GRHL2: variants seen among roughly 807,000 people sequenced by gnomAD.
GRHL2 encodes grainyhead-like protein 2 homolog.
In GRHL2, 21 loss-of-function variants were observed where a neutral mutation model predicts 83.8. The ratio of observed to expected loss-of-function variants is 0.25; its 90% CI spans 0.18 to 0.36. GRHL2 has a LOEUF of 0.36. Ranked by LOEUF, GRHL2 falls within the 10% of genes least tolerant of loss-of-function variation. The pLI, the probability that GRHL2 is intolerant of heterozygous loss-of-function variation, is 1.00. For synonymous variants in GRHL2, 280 were observed against 278.9 expected (o/e 1.00, Z -0.04); for missense variants, 623 against 781.8 (o/e 0.80, Z 2.42).
intron 8 of GRHL2, among the ~76,000 whole-genome samples, chr8:101,619,124 G>A (rs1050490643): frequency 4.6e-5 from 7 of 152,080 alleles, no homozygotes; most frequent in Non-Finnish European, 7.4e-5. Flanking sequence ...GTGGTGGCAG[G>A]CTCCTGTAGT....
At position 101,595,346 on chromosome 8, in the gene GRHL2, T is replaced by C. The variant is rs118021311; in HGVS notation, c.1004-3711T>C. Among the ~76,000 whole-genome samples, 346 of 152,336 alleles carry C rather than the reference T, an allele frequency of 2.3e-3. 8 individuals are homozygous for C. The East Asian group carries it at 0.057, about 25-fold the overall frequency. ...TTTTATGTGGAGAAGCTATAGGAAA[T>C]AAAACCTCATAATGTTGTAACTCAT... is the stretch of plus-strand genomic sequence containing the variant. On this transcript the variant is annotated intron_variant, in intron 7 of 15. Coordinates refer to ENST00000646743, the MANE Select transcript of GRHL2 (RefSeq NM_024915.4).
chr8:101,588,380 T>A (rs7823289), intron 7 of GRHL2, among the ~76,000 whole-genome samples: 1 of 151,968 alleles, frequency 6.6e-6, no homozygotes, highest in South Asian at 2.1e-4. Context: ...TCAGAATTGA[T>A]GAAAAATAAG....
At chr8:101,622,205 T>C (rs967782033) in intron 9 of GRHL2, among the ~76,000 whole-genome samples, 7 of 152,216 alleles carry the variant, frequency 4.6e-5, no homozygotes, top group African/African-American at 1.7e-4. Context: ...AGCAACACCT[T>C]GTCAGAAGAC....
At chr8:101,652,438 G>GGT (rs1813667980) in intron 14 of GRHL2, among the ~76,000 whole-genome samples, 4 of 65,352 alleles carry the variant, frequency 6.1e-5, no homozygotes, top group African/African-American at 2.9e-4. Context: ...GTGTGTGTCT[G>GGT]GTGTGTGTGG....
intron 14 of GRHL2, among the ~76,000 whole-genome samples, chr8:101,661,572 G>A (rs1018174022): frequency 1.3e-5 from 2 of 152,066 alleles, no homozygotes; most frequent in African/African-American, 4.8e-5. Context: ...TTGTTATACT[G>A]TATTGTTTTG....
intron 1 of GRHL2, among the ~76,000 whole-genome samples, chr8:101,513,122 G>T (rs1408717273): frequency 1.3e-5 from 2 of 151,380 alleles, no homozygotes; most frequent in Non-Finnish European, 2.9e-5. Context: ...AATTTTTTTT[G>T]AGTAGTTTTG....
intron 1 of GRHL2, among the ~76,000 whole-genome samples, chr8:101,531,017 G>T (rs1810913906): frequency 6.6e-6 from 1 of 152,106 alleles, no homozygotes; most frequent in Non-Finnish European, 1.5e-5. Flanking sequence ...GATCACTTGA[G>T]CTCAGAAGTC....
chr8:101,553,998 T>C (rs1811441258), intron 3 of GRHL2, among the ~76,000 whole-genome samples: 1 of 152,138 alleles, frequency 6.6e-6, no homozygotes, highest in African/African-American at 2.4e-5. Context: ...AGAGAAGCCA[T>C]AGTGTTTTTC....
At chr8:101,577,590 T>A in intron 7 of GRHL2, 71 bp downstream of exon 7, 1 of 1,020,088 alleles carries the variant, frequency 9.8e-7, no homozygotes, top group Non-Finnish European at 1.5e-6. Flanking sequence ...AAGGGGAGCC[T>A]GGCGTAGTAA....
At position 101,581,731 on chromosome 8, in the gene GRHL2, G is replaced by A. The variant is rs573093488; in HGVS notation, c.1003+4212G>A. Among the ~76,000 whole-genome samples, 4 of 152,242 alleles carry A rather than the reference G, an allele frequency of 2.6e-5. No individual in the cohort carries two copies. The South Asian group carries it at 8.3e-4, about 32-fold the overall frequency. On this transcript the variant is annotated intron_variant, in intron 7 of 15. Transcript: ENST00000646743. ...CACTGGCAATACAAATGTAATTAAG[G>A]CAGAGCCCTGTACTCAAACTGCTCA...
chr8:101,574,736 A>C (rs1017290190), intron 6 of GRHL2, among the ~76,000 whole-genome samples: 6 of 152,236 alleles, frequency 3.9e-5, no homozygotes, highest in Non-Finnish European at 5.9e-5. Context: ...CCATCAGGAG[A>C]ATTAGTAAAT....
chr8:101,573,500 A>G (rs936706606), intron 5 of GRHL2, among the ~76,000 whole-genome samples, 168 bp from the exon 6 acceptor site: 2 of 152,224 alleles, frequency 1.3e-5, no homozygotes, highest in African/African-American at 4.8e-5. Context: ...ACATTGTACT[A>G]GCAATGACCT....
At chr8:101,588,403 G>T (rs113517513) in intron 7 of GRHL2, among the ~76,000 whole-genome samples, 15 of 152,226 alleles carry the variant, frequency 9.9e-5, no homozygotes, top group African/African-American at 3.6e-4. Context: ...AAAGTACACA[G>T]GACTAGCAAC....
chr8:101,599,673 A>T (rs1240448011), intron 8 of GRHL2, among the ~76,000 whole-genome samples: 1 of 152,212 alleles, frequency 6.6e-6, no homozygotes, highest in African/African-American at 2.4e-5. Flanking sequence ...TGGCTGCTTA[A>T]CTAACCTTTT....
intron 6 of GRHL2, among the ~76,000 whole-genome samples, chr8:101,575,570 C>T (rs1293704108): frequency 1.3e-5 from 2 of 152,124 alleles, no homozygotes; most frequent in South Asian, 2.1e-4. Flanking sequence ...GCATTTATTT[C>T]TGAGAACAGT....
chr8:101,614,733 T>C (rs1761800999), intron 8 of GRHL2, among the ~76,000 whole-genome samples: 1 of 152,212 alleles, frequency 6.6e-6, no homozygotes, highest in African/African-American at 2.4e-5. Flanking sequence ...GTTTGCAAGA[T>C]GAAACAAATG....
intron 8 of GRHL2, among the ~76,000 whole-genome samples, chr8:101,604,019 C>CTTTA (rs1391152533): frequency 1.1e-5 from 1 of 91,800 alleles, no homozygotes. Flanking sequence ...TTTTTTTTTG[C>CTTTA]AAAAAAAAAA....
At chr8:101,679,496 A>T in the GRHL2 span, among the ~76,000 whole-genome samples, 1 of 149,324 alleles carries the variant, frequency 6.7e-6, no homozygotes, top group Non-Finnish European at 1.5e-5. Context: ...GTTGGAAAAC[A>T]CTCTGCAGGA....
At chr8:101,548,216 TATG>T (rs1563574841) in intron 2 of GRHL2, among the ~76,000 whole-genome samples, 1 of 152,168 alleles carries the variant, frequency 6.6e-6, no homozygotes, top group Non-Finnish European at 1.5e-5. Context: ...ACTAAGTAGA[TATG>T]ACCTCCCAGT....
Sources: allele counts gnomAD v4.1 joint callset (sites outside exome capture counted in the v4.1 genomes callset), GRCh38; gene constraint gnomAD v4.1.1; transcripts MANE v1.5; gene names NCBI Gene and HGNC (gene_info 2026-07-23, HGNC 2026-07-21).